The following CSMD1 variants were observed in gnomAD, a reference collection of about 807,000 sequenced individuals.
CSMD1 encodes CUB and sushi domain-containing protein 1.
Under a neutral mutation model 417.5 loss-of-function variants are expected in CSMD1, and 213 were observed. The ratio of observed to expected loss-of-function variants is 0.51; its 90% CI spans 0.46 to 0.57. The LOEUF (loss-of-function observed/expected upper bound fraction) is 0.57, where lower values mean the gene tolerates loss of function less well. Among genes scored for constraint, CSMD1 ranks in the 20% least tolerant of loss-of-function variants. The probability of loss-of-function intolerance (pLI) is 0.00; values close to 1 mark genes in which losing one functional copy is unlikely to be tolerated. For missense variants in CSMD1, 6,923 were observed against 4,529.7 expected (o/e 1.53, Z -15.17); for synonymous variants, 2,862 against 1,736.8 (o/e 1.65, Z -16.11).
chr8:4,123,694 G>A (rs1008314455), intron 3 of CSMD1, among the ~76,000 whole-genome samples: 4 of 152,084 alleles, frequency 2.6e-5, no homozygotes, highest in African/African-American at 9.7e-5. Flanking sequence ...TAACTTCTAT[G>A]GTTTTATCAC....
chr8:4,103,224 T>C (rs1297591311), intron 3 of CSMD1, among the ~76,000 whole-genome samples: 3 of 149,262 alleles, frequency 2.0e-5, no homozygotes, highest in Admixed American at 1.4e-4. Flanking sequence ...TATATAATTA[T>C]ATACATATAA....
chr8:3,607,400 T>C (rs977744605), intron 8 of CSMD1, among the ~76,000 whole-genome samples: 8 of 152,226 alleles, frequency 5.3e-5, no homozygotes, highest in Non-Finnish European at 7.3e-5. Flanking sequence ...AGACGGAGTA[T>C]ACTCTAAAAT....
At chr8:4,350,240 A>C (rs1801014503) in intron 3 of CSMD1, among the ~76,000 whole-genome samples, 1 of 152,134 alleles carries the variant, frequency 6.6e-6, no homozygotes, top group Non-Finnish European at 1.5e-5. Flanking sequence ...CCTGAAGCCT[A>C]AGTCTCAACA....
At chr8:3,861,566 G>C (rs969732167) in intron 5 of CSMD1, among the ~76,000 whole-genome samples, 8 of 152,126 alleles carry the variant, frequency 5.3e-5, no homozygotes, top group Admixed American at 1.3e-4. Flanking sequence ...GCATTACTTG[G>C]GAATGGCTCC....
chr8:3,668,996 C>T (rs1319078349), intron 7 of CSMD1, among the ~76,000 whole-genome samples: 1 of 152,134 alleles, frequency 6.6e-6, no homozygotes, highest in Admixed American at 6.6e-5. Flanking sequence ...TGTGCTTTCA[C>T]TGGAAATCTT....
intron 42 of CSMD1, among the ~76,000 whole-genome samples, chr8:3,115,846 G>C (rs964886034): frequency 3.9e-5 from 6 of 152,148 alleles, no homozygotes; most frequent in African/African-American, 1.4e-4. Flanking sequence ...GTTGTTTAAA[G>C]TATCTGTGTT....
At chr8:4,820,419 G>A (rs1357282849) in intron 1 of CSMD1, among the ~76,000 whole-genome samples, 1 of 152,052 alleles carries the variant, frequency 6.6e-6, no homozygotes, top group African/African-American at 2.4e-5. Flanking sequence ...AAATATACAC[G>A]AGAGCAAGAT....
chr8:4,223,025 G>T (rs941262822), intron 3 of CSMD1, among the ~76,000 whole-genome samples: 11 of 152,006 alleles, frequency 7.2e-5, no homozygotes, highest in Non-Finnish European at 1.2e-4. Flanking sequence ...ATAATAATAA[G>T]AAGAACTGAC....
intron 5 of CSMD1, among the ~76,000 whole-genome samples, chr8:3,886,295 T>C (rs915165687): frequency 5.9e-5 from 9 of 152,204 alleles, no homozygotes; most frequent in Non-Finnish European, 1.2e-4. Flanking sequence ...GTAATCCGAC[T>C]GCCTCAGCCT....
intron 2 of CSMD1, among the ~76,000 whole-genome samples, chr8:4,450,103 C>A (rs1194191541): frequency 6.6e-6 from 1 of 152,266 alleles, no homozygotes; most frequent in African/African-American, 2.4e-5. Flanking sequence ...CTCAATTTAT[C>A]CTGTACACCA....
At chr8:3,569,224 G>C (rs748350586) in intron 10 of CSMD1, among the ~76,000 whole-genome samples, 3 of 152,120 alleles carry the variant, frequency 2.0e-5, no homozygotes, top group East Asian at 1.9e-4. Flanking sequence ...AAAAGTTTTA[G>C]ATTTTCTAAC....
At chr8:4,052,549 T>G (rs184521042) in intron 3 of CSMD1, among the ~76,000 whole-genome samples, 14 of 152,078 alleles carry the variant, frequency 9.2e-5, no homozygotes, top group African/African-American at 3.4e-4. Context: ...TGCACCAAAT[T>G]TGAGGAAGCA....
Position 3,461,777 on chromosome 8 carries a change from T to C in CSMD1, c.1561+6935A>G, listed in dbSNP as rs138646537. On this transcript the variant is annotated intron_variant, in intron 12 of 69. Coordinates refer to ENST00000635120, the MANE Select transcript of CSMD1 (RefSeq NM_033225.6). ...CAATACAGATGAGTGGGACGATTTA[T>C]CCATGGGGACTCTCTTACGTGTGAT... Among the ~76,000 whole-genome samples, 51 of 152,300 alleles carry C rather than the reference T, an allele frequency of 3.3e-4. No individual in the cohort carries two copies. The East Asian group carries it at 5.2e-3, about 16-fold the overall frequency.
At chr8:3,199,686 A>G (rs1410655269) in intron 33 of CSMD1, 28 bp downstream of exon 33, 2 of 1,474,716 alleles carry the variant, frequency 1.4e-6, no homozygotes, top group South Asian at 1.2e-5. Context: ...CCACAGTGAC[A>G]TGTGGAGACA....
chr8:3,705,763 G>C (rs577191100), intron 7 of CSMD1, among the ~76,000 whole-genome samples: 2 of 152,228 alleles, frequency 1.3e-5, no homozygotes, highest in African/African-American at 4.8e-5. Context: ...CTAATCTCTA[G>C]AATCTCAAGA....
At chr8:3,223,185 C>T (rs1321897504) in intron 28 of CSMD1, among the ~76,000 whole-genome samples, 1 of 152,110 alleles carries the variant, frequency 6.6e-6, no homozygotes, top group Non-Finnish European at 1.5e-5. Flanking sequence ...CAGTATTAGA[C>T]CTTCCATCGT....
intron 1 of CSMD1, among the ~76,000 whole-genome samples, chr8:4,930,512 G>C (rs545632193): frequency 6.6e-6 from 1 of 152,038 alleles, no homozygotes; most frequent in East Asian, 1.9e-4. Flanking sequence ...AACTACAGCC[G>C]AGCATACAGC....
At chr8:4,633,744 G>C (rs775859946) in intron 2 of CSMD1, among the ~76,000 whole-genome samples, 21 of 151,980 alleles carry the variant, frequency 1.4e-4, no homozygotes, top group African/African-American at 4.3e-4. Flanking sequence ...ACTTTTAGTG[G>C]AGACGGGGTT....
intron 54 of CSMD1, among the ~76,000 whole-genome samples, chr8:2,990,028 A>G (rs1806239454): frequency 6.6e-6 from 1 of 152,206 alleles, no homozygotes; most frequent in African/African-American, 2.4e-5. Context: ...GAATGTTCTG[A>G]TACACCTAAG....
Sources: gnomAD v4.1 joint callset for allele counts (sites outside exome capture counted in the v4.1 genomes callset) on GRCh38, gnomAD v4.1.1 for gene constraint, MANE v1.5 for transcripts, NCBI Gene and HGNC (gene_info 2026-07-23, HGNC 2026-07-21) for gene names.